PCDH15: variants seen among roughly 807,000 people sequenced by gnomAD.
PCDH15 encodes protocadherin related 15, also known as protocadherin-15.
A neutral mutation model predicts 178.5 loss-of-function variants in PCDH15; 129 were observed. That is an observed-to-expected ratio of 0.72 (90% CI 0.63 to 0.84). The LOEUF is 0.84. Ranked by LOEUF, PCDH15 falls within the 40% of genes least tolerant of loss-of-function variation. PCDH15 has a pLI of 0.00. For synonymous variants in PCDH15, 800 were observed against 732.0 expected (o/e 1.09, Z -1.50); for missense variants, 2,230 against 2,099.9 (o/e 1.06, Z -1.21).
intron 3 of PCDH15, among the ~76,000 whole-genome samples, chr10:54,883,020 A>C (rs750681565): frequency 6.6e-5 from 10 of 152,090 alleles, no homozygotes; most frequent in Non-Finnish European, 1.0e-4. Context: ...ATAGCAACCA[A>C]GCTGCAGTGA....
intron 2 of PCDH15, among the ~76,000 whole-genome samples, chr10:55,613,737 G>C (rs755597077): frequency 6.6e-6 from 1 of 152,056 alleles, no homozygotes; most frequent in Non-Finnish European, 1.5e-5. Flanking sequence ...TCATAGCCTC[G>C]TAGCTCAAAG....
At chr10:55,446,191 ACT>A (rs796395388) in intron 2 of PCDH15, among the ~76,000 whole-genome samples, 86 of 151,368 alleles carry the variant, frequency 5.7e-4, no homozygotes, top group African/African-American at 1.9e-3. Context: ...ACATACACAC[ACT>A]CACACGAACA....
intron 2 of PCDH15, among the ~76,000 whole-genome samples, chr10:55,077,398 T>TCTTCCTTCCTTC (rs58045517): frequency 0.089 from 12,217 of 137,326 alleles, 663 homozygotes; most frequent in Admixed American, 0.11. Flanking sequence ...TGGTTTTCTC[T>TCTTCCTTCCTTC]CTTCCTTCCT....
At chr10:54,503,341 T>G (rs1268922846) in intron 3 of PCDH15, among the ~76,000 whole-genome samples, 1 of 146,966 alleles carries the variant, frequency 6.8e-6, no homozygotes, top group African/African-American at 2.5e-5. Context: ...ATATAAGGCA[T>G]AAGACAACAC....
chr10:53,925,083 C>A (rs1589446788), intron 25 of PCDH15, among the ~76,000 whole-genome samples: 1 of 152,106 alleles, frequency 6.6e-6, no homozygotes, highest in Non-Finnish European at 1.5e-5. Flanking sequence ...AAGCAGACTG[C>A]CCCAGCTAGC....
intron 8 of PCDH15, among the ~76,000 whole-genome samples, chr10:54,264,758 A>T (rs2057559200): frequency 6.6e-6 from 1 of 152,180 alleles, no homozygotes; most frequent in South Asian, 2.1e-4. Context: ...GAAATATGGG[A>T]TTATGTAAAG....
At position 54,589,474 on chromosome 10, in the gene PCDH15, T is replaced by C. The variant is rs763074169; in HGVS notation, c.92-61597A>G. ...TGGCCATTCTATTTTGTTTTATCCA[T>C]AGTGCCTATCACCTGTTGGCATATT... is the stretch of plus-strand genomic sequence containing the variant. On this transcript the variant is annotated intron_variant, in intron 2 of 37. Coordinates refer to ENST00000644397, the MANE Select transcript of PCDH15 (RefSeq NM_001384140.1). Among the ~76,000 whole-genome samples, 8 of 152,202 alleles carry C rather than the reference T, an allele frequency of 5.3e-5. No homozygotes were observed. The East Asian group carries it at 7.7e-4, about 15-fold the overall frequency.
Position 53,914,118 on chromosome 10 carries a change from A to G in PCDH15, c.3374-10748T>C, listed in dbSNP as rs950398808. Among the ~76,000 whole-genome samples the G allele has an allele frequency of 5.3e-5, 8 of 152,258 alleles. No individual in the cohort carries two copies. In the East Asian group the frequency reaches 9.7e-4, roughly 18 times the overall value. On this transcript the variant is annotated intron_variant, in intron 25 of 37. Transcript: ENST00000644397. ...TCATTAAAAAGTCAGGAAACAACAG[A>G]TGCTGGAGAGGATGTGGAGAAATAG...
At chr10:55,104,234 A>G (rs1424163124) in intron 2 of PCDH15, among the ~76,000 whole-genome samples, 1 of 152,118 alleles carries the variant, frequency 6.6e-6, no homozygotes, top group Non-Finnish European at 1.5e-5. Context: ...TTATGCATTA[A>G]AAACCCATTC....
At chr10:54,236,443 T>C (rs962004358) in intron 9 of PCDH15, among the ~76,000 whole-genome samples, 2 of 152,092 alleles carry the variant, frequency 1.3e-5, no homozygotes, top group African/African-American at 4.8e-5. Context: ...ATCACAATTA[T>C]GTATAGTAAC....
chr10:55,505,279 AAAGAT>A (rs1298710332), intron 2 of PCDH15, among the ~76,000 whole-genome samples: 9 of 151,532 alleles, frequency 5.9e-5, no homozygotes, highest in Non-Finnish European at 1.0e-4. Flanking sequence ...AAGAGCTATT[AAAGAT>A]AAGTGAAAGT....
chr10:54,537,456 C>G (rs2084706067), intron 2 of PCDH15, among the ~76,000 whole-genome samples: 1 of 151,984 alleles, frequency 6.6e-6, no homozygotes, highest in South Asian at 2.1e-4. Flanking sequence ...CAAAACCTGT[C>G]GAAGACACAA....
intron 2 of PCDH15, among the ~76,000 whole-genome samples, chr10:55,598,917 A>G (rs1041140636): frequency 2.0e-5 from 3 of 152,108 alleles, no homozygotes; most frequent in Non-Finnish European, 4.4e-5. Flanking sequence ...GGAAGATTTC[A>G]TTACAACCTG....
chr10:54,926,508 A>G (rs1046222327), intron 2 of PCDH15, among the ~76,000 whole-genome samples: 4 of 151,920 alleles, frequency 2.6e-5, no homozygotes, highest in African/African-American at 9.7e-5. Context: ...AAGTTTTGTA[A>G]CAGTTTAGGT....
intron 8 of PCDH15, among the ~76,000 whole-genome samples, chr10:54,295,790 A>G (rs1345536238): frequency 1.3e-5 from 2 of 152,106 alleles, no homozygotes; most frequent in East Asian, 3.9e-4. Flanking sequence ...TTCACTTGCA[A>G]TTCTGTTCTA....
intron 8 of PCDH15, among the ~76,000 whole-genome samples, chr10:54,254,590 C>T (rs1405042582): frequency 6.6e-6 from 1 of 152,100 alleles, no homozygotes; most frequent in Non-Finnish European, 1.5e-5. Flanking sequence ...AGAACTCAAC[C>T]ACTGGCAACA....
chr10:55,233,496 ATC>A (rs753790478), intron 1 of PCDH15, among the ~76,000 whole-genome samples: 47 of 152,262 alleles, frequency 3.1e-4, no homozygotes, highest in Admixed American at 5.9e-4. Context: ...TATAATCAAT[ATC>A]TCTTTTTTGC....
intron 2 of PCDH15, among the ~76,000 whole-genome samples, chr10:55,117,110 A>G (rs747247645): frequency 2.6e-5 from 4 of 152,256 alleles, no homozygotes; most frequent in Non-Finnish European, 5.9e-5. Flanking sequence ...GGTCATGTAA[A>G]ACTTACACTA....
At chr10:55,277,873 G>T (rs1554848788) in intron 1 of PCDH15, among the ~76,000 whole-genome samples, 2 of 152,008 alleles carry the variant, frequency 1.3e-5, no homozygotes, top group Non-Finnish European at 2.9e-5. Flanking sequence ...TTTAAATAGA[G>T]AAAACAATAT....
Sources: allele counts gnomAD v4.1 joint callset (sites outside exome capture counted in the v4.1 genomes callset), GRCh38; gene constraint gnomAD v4.1.1; transcripts MANE v1.5; gene names NCBI Gene and HGNC (gene_info 2026-07-23, HGNC 2026-07-21).